The following C1QBP variants were observed in gnomAD, a reference collection of about 807,000 sequenced individuals.
C1QBP encodes complement C1q binding protein.
A neutral mutation model predicts 29.4 loss-of-function variants in C1QBP; 24 were observed. The ratio of observed to expected loss-of-function variants is 0.82; its 90% CI spans 0.59 to 1.15. C1QBP has a LOEUF of 1.15. Ranked by LOEUF, C1QBP falls within the 50% of genes most tolerant of loss-of-function variation. The pLI, the probability that C1QBP is intolerant of heterozygous loss-of-function variation, is 0.00. For synonymous variants in C1QBP, 182 were observed against 149.2 expected (o/e 1.22, Z -1.60); for missense variants, 337 against 355.8 (o/e 0.95, Z 0.43).
At chr17:5,434,688 G>C in intron 3 of C1QBP, 185 bp downstream of exon 3, 2 of 444,268 alleles carry the variant, frequency 4.5e-6, no homozygotes, top group South Asian at 2.7e-5. Context: ...GGATGGTCTC[G>C]ATCTCTTGAC....
At position 5,434,969 on chromosome 17, in the gene C1QBP, A is replaced by G; in HGVS notation, c.384-3T>C. On this transcript the variant is annotated splice_region_variant and splice_polypyrimidine_tract_variant and intron_variant, in intron 2 of 5. Transcript: ENST00000225698. ...TAATGTTGAAAGTGACCGTGATTCT[A>G]AAACGGCAAGGGAAAACAGACAAGG... is the stretch of plus-strand genomic sequence containing the variant. 6.2e-7 allele frequency: 1 copy of G among 1,613,460 alleles called. No individual in the cohort carries two copies.
At chr17:5,434,161 G>C (rs1916191232) in intron 3 of C1QBP, 2 of 199,644 alleles carry the variant, frequency 1.0e-5, no homozygotes, top group African/African-American at 2.4e-5. Context: ...TGGGGAACCT[G>C]GCCATCCTTA....
intron 2 of C1QBP, among the ~76,000 whole-genome samples, chr17:5,435,827 A>C (rs1308741992): frequency 6.7e-6 from 1 of 148,430 alleles, no homozygotes; most frequent in Non-Finnish European, 1.5e-5. Flanking sequence ...CAAGAGATCG[A>C]GACCATCCTG....
Position 5,432,844 on chromosome 17 carries a change from A to C in C1QBP, c.*171T>G. On this transcript the variant is annotated 3_prime_UTR_variant, in exon 6 of 6. Coordinates refer to ENST00000225698, the MANE Select transcript of C1QBP (RefSeq NM_001212.4). ...AAATCTAGAAATAATAGATTTGTACAGAAAAAAATGATAATAAATGAGAAC... is the reference window on the plus strand; with the variant it reads ...AAATCTAGAAATAATAGATTTGTACCGAAAAAAATGATAATAAATGAGAAC... 1 of 954,960 alleles carries C rather than the reference A, an allele frequency of 1.0e-6. No individual in the cohort carries two copies. The highest frequency in any genetic ancestry group is 1.5e-6 in the Non-Finnish European group (1 of 675,172). 59.2% of individuals were successfully genotyped at this position (954,960 alleles called of 1,614,324 possible). A position where few individuals can be genotyped will look rare whatever the true frequency, so the allele number is the denominator to read the frequency against.
At chr17:5,434,490 A>T (rs1301255602) in intron 3 of C1QBP, among the ~76,000 whole-genome samples, 1 of 78,944 alleles carries the variant, frequency 1.3e-5, no homozygotes. Flanking sequence ...TTTTTTTGAG[A>T]CAGAGTCTTG....
At chr17:5,433,522 C>A in intron 4 of C1QBP, 107 bp from the exon 5 acceptor site, 1 of 1,530,794 alleles carries the variant, frequency 6.5e-7, no homozygotes, top group South Asian at 1.1e-5. Context: ...TTTTAACCCT[C>A]TTCCCTCACT....
At chr17:5,438,821 C>G in intron 1 of C1QBP, 21 bp downstream of exon 1, 1 of 1,547,580 alleles carries the variant, frequency 6.5e-7, no homozygotes, top group South Asian at 1.2e-5. Context: ...CAAACCACAC[C>G]CCCGGCCCGC....
At chr17:5,433,264 A>C in intron 5 of C1QBP, 29 bp downstream of exon 5, 1 of 1,613,850 alleles carries the variant, frequency 6.2e-7, no homozygotes, top group Non-Finnish European at 8.5e-7. Flanking sequence ...CAAGGCCCAA[A>C]AGGTTCCCCC....
rs777918995 is a variant in C1QBP, at chr17:5,438,104, T to C, written c.383+19A>G. 5.0e-6 allele frequency: 8 copies of C among 1,607,856 alleles called. No homozygotes were observed. Among genetic ancestry groups the C allele is most frequent in the Non-Finnish European group, 5.1e-6 (6 of 1,177,280 alleles). On this transcript the variant is annotated intron_variant, in intron 2 of 5. Transcript: ENST00000225698. ...GGTTAAGGGAGTTGCTGCCCTGGGA[T>C]CCCCAGACCAGTACTTACTTTTCCC...
chr17:5,434,155 G>A (rs1372737402), intron 3 of C1QBP: 1 of 199,422 alleles, frequency 5.0e-6, no homozygotes, highest in Non-Finnish European at 1.0e-5. Context: ...AAAGGCTGGG[G>A]AACCTGGCCA....
chr17:5,438,445 G>T, intron 1 of C1QBP, 172 bp from the exon 2 acceptor site: 1 of 861,570 alleles, frequency 1.2e-6, no homozygotes, highest in Non-Finnish European at 1.7e-6. Context: ...GTAGTAGGAA[G>T]CTGAGCCTGA....
At chr17:5,434,356 T>A (rs1165300867) in intron 3 of C1QBP, among the ~76,000 whole-genome samples, 1 of 151,942 alleles carries the variant, frequency 6.6e-6, no homozygotes, top group African/African-American at 2.4e-5. Flanking sequence ...AGGGACTCTG[T>A]GGCCCTCATA....
intron 1 of C1QBP, chr17:5,438,537 G>T: frequency 1.4e-6 from 1 of 693,846 alleles, no homozygotes; most frequent in Non-Finnish European, 2.3e-6. Context: ...TCTTCCACTT[G>T]CCAAACGATA....
chr17:5,436,522 G>C (rs1042197620), intron 2 of C1QBP, among the ~76,000 whole-genome samples: 3 of 151,336 alleles, frequency 2.0e-5, no homozygotes, highest in South Asian at 2.1e-4. Context: ...TGAATTAGAA[G>C]CAAAGTAAAA....
At chr17:5,437,491 C>G (rs1035048981) in intron 2 of C1QBP, among the ~76,000 whole-genome samples, 1 of 152,172 alleles carries the variant, frequency 6.6e-6, no homozygotes. Flanking sequence ...CACGTGCCAC[C>G]ATACCCGGTT....
chr17:5,434,784 T>G, intron 3 of C1QBP, 89 bp downstream of exon 3: 2 of 1,266,618 alleles, frequency 1.6e-6, no homozygotes, highest in Middle Eastern at 1.9e-4. Flanking sequence ...TTTTTTTTTT[T>G]TGAAAGACCA....
intron 1 of C1QBP, 111 bp downstream of exon 1, chr17:5,438,731 C>T (rs1191087874): frequency 6.5e-7 from 1 of 1,539,896 alleles, no homozygotes; most frequent in African/African-American, 1.4e-5. Context: ...CGCTGGTTGC[C>T]AATCAATGGA....
chr17:5,433,790 C>T (rs1056688402), intron 3 of C1QBP, 23 bp from the exon 4 acceptor site: 3 of 1,595,272 alleles, frequency 1.9e-6, no homozygotes, highest in Non-Finnish European at 2.6e-6. Flanking sequence ...GAAGTCAATA[C>T]ATGCTGCTGC....
rs1916118626 is a variant in C1QBP at position 5,432,832 on chromosome 17, A to ATAGAT, written c.*178_*182dup. 1 of 908,538 alleles carries ATAGAT rather than the reference A, an allele frequency of 1.1e-6. No homozygotes were observed. Among genetic ancestry groups the ATAGAT allele is most frequent in the South Asian group, 2.1e-5 (1 of 46,676 alleles). The allele number at this position is 908,538 out of a possible 1,614,324, so 56.3% of individuals were successfully genotyped here. ...CATGTTATACAAAAATCTAGAAATA[A>ATAGAT]TAGATTTGTACAGAAAAAAATGATA... On this transcript the variant is annotated 3_prime_UTR_variant, in exon 6 of 6. Transcript: ENST00000225698.
Sources: gnomAD v4.1 joint callset for allele counts (sites outside exome capture counted in the v4.1 genomes callset) on GRCh38, gnomAD v4.1.1 for gene constraint, MANE v1.5 for transcripts, NCBI Gene and HGNC (gene_info 2026-07-23, HGNC 2026-07-21) for gene names.